Variants in BRWD3 observed in about 807,000 individuals in gnomAD.
BRWD3 encodes the protein bromodomain and WD repeat domain containing 3, also known as bromodomain and WD repeat-containing protein 3.
In BRWD3, 10 loss-of-function variants were observed where a neutral mutation model predicts 149.7. The observed-to-expected ratio is 0.07, with a 90% CI of 0.04 to 0.11. BRWD3 has a LOEUF of 0.11. BRWD3 is among the 10% of genes least tolerant of loss of function. The probability of loss-of-function intolerance (pLI) is 1.00; values close to 1 mark genes in which losing one functional copy is unlikely to be tolerated. For synonymous variants in BRWD3, 504 were observed against 456.7 expected (o/e 1.10, Z -1.32); for missense variants, 940 against 1,373.2 (o/e 0.68, Z 4.99).
At chrX:80,684,438 C>T (rs1367722189) in intron 36 of BRWD3, among the ~76,000 whole-genome samples, 1 of 112,022 alleles carries the variant, frequency 8.9e-6, no homozygotes, top group East Asian at 2.8e-4. Context: ...ATCTCTACAG[C>T]TTCCATGTCT....
At chrX:80,701,169 T>C (rs2072781699) in intron 24 of BRWD3, among the ~76,000 whole-genome samples, 1 of 111,463 alleles carries the variant, frequency 9.0e-6, no homozygotes, top group Admixed American at 9.6e-5. Context: ...ATGAATTCAA[T>C]TACTTAATTC....
intron 6 of BRWD3, among the ~76,000 whole-genome samples, chrX:80,790,963 C>G (rs907802893): frequency 9.0e-6 from 1 of 111,458 alleles, no homozygotes; most frequent in Non-Finnish European, 1.9e-5. Context: ...AACATCCAAG[C>G]TATGGAAAAG....
In BRWD3 at chrX:80,733,481, C is replaced by G. The variant is rs1276533834; in HGVS notation, c.1102G>C (p.Val368Leu). Residue 368 changes from valine to leucine, a missense_variant, in exon 12 of 41, where the codon GTT becomes CTT. Val to Leu is a conservative substitution (Grantham distance 32, BLOSUM62 1). This residue lies in a region of BRWD3 where 209 missense variants were observed against 396.8 expected (regional missense o/e 0.53). Coordinates refer to ENST00000373275, the MANE Select transcript of BRWD3 (RefSeq NM_153252.5). Reference protein sequence around the residue: ...LESHTDKVVAVQFCNNGDSLR... With the variant: ...LESHTDKVVALQFCNNGDSLR... ...CTGTCTCCATTGTTACAGAACTGAACAGCAACAACTTTATCCTAAGACATG... is the reference window on the plus strand; with the variant it reads ...CTGTCTCCATTGTTACAGAACTGAAGAGCAACAACTTTATCCTAAGACATG... 3 of 1,198,107 alleles carry G rather than the reference C, an allele frequency of 2.5e-6. No individual in the cohort carries two copies. Among genetic ancestry groups the G allele is most frequent in the Non-Finnish European group, 3.4e-6 (3 of 885,770 alleles).
intron 20 of BRWD3, chrX:80,709,943 G>T: frequency 1.1e-6 from 1 of 945,513 alleles, no homozygotes. Flanking sequence ...AAACCAGTAT[G>T]ACAATGATAT....
At position 80,682,020 on chromosome X, in the gene BRWD3, G is replaced by C; in HGVS notation, c.4472C>G (p.Thr1491Ser). Reference sequence around the variant, plus strand: ...ACCAGGAGATGAGAAAGGAGAGCTAGTCCTGGCATGAGATACTGAGGTATT... The same window carrying C: ...ACCAGGAGATGAGAAAGGAGAGCTACTCCTGGCATGAGATACTGAGGTATT... ...DQNTSVSHAR[T>S]SSPFSSPVSD... Residue 1491 changes from threonine (T) to serine (S), a missense_variant, in exon 39 of 41, where the codon ACT becomes AGT. This residue lies in a region of BRWD3 where 349 missense variants were observed against 419.6 expected (regional missense o/e 0.83). Coordinates refer to ENST00000373275, the MANE Select transcript of BRWD3 (RefSeq NM_153252.5). The C allele has an allele frequency of 1.7e-6, 2 of 1,208,116 alleles. No individual in the cohort carries two copies. Among genetic ancestry groups the C allele is most frequent in the Admixed American group, 2.2e-5 (1 of 45,916 alleles).
intron 6 of BRWD3, among the ~76,000 whole-genome samples, chrX:80,785,753 C>T (rs2074101451): frequency 1.8e-5 from 2 of 112,070 alleles, no homozygotes; most frequent in South Asian, 3.6e-4. Flanking sequence ...TCAGGCCAGG[C>T]GCAGTAGTTC....
chrX:80,671,405 T>A lies in BRWD3; in HGVS notation c.*5204A>T, dbSNP rs1044318985. 8.9e-6 allele frequency: 1 copy of A among 112,185 alleles called. No homozygotes were observed. Among genetic ancestry groups the A allele is most frequent in the Non-Finnish European group, 1.9e-5 (1 of 53,208 alleles). The allele number at this position is 112,185 out of a possible 1,213,427, so 9.2% of individuals were successfully genotyped here. A position where few individuals can be genotyped will look rare whatever the true frequency, so the allele number is the denominator to read the frequency against. ...AGATTAAAAAGTAATAGTAATAAAA[T>A]ATTCTATGACAAAGAAACAAGAAAG... On this transcript the variant is annotated 3_prime_UTR_variant, in exon 41 of 41. Coordinates refer to ENST00000373275, the MANE Select transcript of BRWD3 (RefSeq NM_153252.5).
chrX:80,688,250 T>C (rs2072561032), intron 33 of BRWD3, 125 bp from the exon 34 acceptor site: 1 of 560,655 alleles, frequency 1.8e-6, no homozygotes. Flanking sequence ...GAGCAGCAAG[T>C]AGAACAAAAG....
chrX:80,728,595 C>T (rs892561620), intron 14 of BRWD3, among the ~76,000 whole-genome samples, 157 bp downstream of exon 14: 6 of 111,472 alleles, frequency 5.4e-5, no homozygotes, highest in Non-Finnish European at 1.1e-4. Context: ...CGTGTCATCC[C>T]TATTTTACAG....
At chrX:80,677,459 G>A in intron 40 of BRWD3, 96 bp from the exon 41 acceptor site, 2 of 1,054,626 alleles carry the variant, frequency 1.9e-6, no homozygotes, top group Non-Finnish European at 2.5e-6. Flanking sequence ...AAAAATATGT[G>A]GAATACAATC....
chrX:80,770,401 C>A (rs2073926365), intron 6 of BRWD3, among the ~76,000 whole-genome samples: 2 of 111,724 alleles, frequency 1.8e-5, no homozygotes, highest in Non-Finnish European at 3.8e-5. Flanking sequence ...AGCTTATACA[C>A]CACAATAAAG....
At chrX:80,799,561 T>G (rs1472301662) in intron 4 of BRWD3, among the ~76,000 whole-genome samples, 1 of 112,195 alleles carries the variant, frequency 8.9e-6, no homozygotes, top group Non-Finnish European at 1.9e-5. Context: ...AGAACAGGCA[T>G]ATACAAAAGT....
In BRWD3 at chrX:80,689,760, A is replaced by G; in HGVS notation, c.3807+8T>C. 8.4e-7 allele frequency: 1 copy of G among 1,184,831 alleles called. No homozygotes were observed. The highest frequency in any genetic ancestry group is 1.1e-6 in the Non-Finnish European group (1 of 872,864). ...ACTCATTCCTACTAATCATGCTGTG[A>G]TTCTTACCTCCTCTGCATCAGTACT... On this transcript the variant is annotated splice_region_variant and intron_variant, in intron 33 of 40. Transcript: ENST00000373275.
At chrX:80,743,382 C>T (rs193129429) in intron 8 of BRWD3, among the ~76,000 whole-genome samples, 27 of 111,566 alleles carry the variant, frequency 2.4e-4, no homozygotes, top group Admixed American at 2.0e-3. Flanking sequence ...CTCTGACAGG[C>T]TTTGATATCA....
intron 6 of BRWD3, among the ~76,000 whole-genome samples, chrX:80,749,851 G>A (rs764872325): frequency 1.8e-5 from 2 of 111,730 alleles, no homozygotes; most frequent in African/African-American, 3.2e-5. Context: ...GTATGATAAA[G>A]CTTATTTAAT....
chrX:80,746,026 T>C (rs1471254477), intron 6 of BRWD3, among the ~76,000 whole-genome samples: 3 of 110,818 alleles, frequency 2.7e-5, no homozygotes, highest in Non-Finnish European at 5.7e-5. Flanking sequence ...AAAGAGACTG[T>C]CATTTTAAAT....
intron 17 of BRWD3, 44 bp from the exon 18 acceptor site, chrX:80,719,700 A>G (rs1459840060): frequency 8.7e-7 from 1 of 1,145,869 alleles, no homozygotes; most frequent in Non-Finnish European, 1.2e-6. Context: ...CTTACATTTT[A>G]GTATACCTTA....
At chrX:80,794,662 T>C (rs1413912903) in intron 4 of BRWD3, among the ~76,000 whole-genome samples, 3 of 110,356 alleles carry the variant, frequency 2.7e-5, no homozygotes, top group African/African-American at 9.9e-5. Context: ...AGTCACAAAA[T>C]CAGCACATTT....
rs1374659064 is a variant in BRWD3, at chrX:80,675,684, A to C, written c.*925T>G. 2 of 111,871 alleles carry C rather than the reference A, an allele frequency of 1.8e-5. No homozygotes were observed. Among genetic ancestry groups the C allele is most frequent in the African/African-American group, 3.2e-5 (1 of 30,838 alleles). The allele number at this position is 111,871 out of a possible 1,213,427, so 9.2% of individuals were successfully genotyped here. ...TTAATGTTTCCAGTAGTTGTAGTTA[A>C]GAGGTAGCTGAGCTACTGTTCAAAG... On this transcript the variant is annotated 3_prime_UTR_variant, in exon 41 of 41. Coordinates refer to ENST00000373275, the MANE Select transcript of BRWD3 (RefSeq NM_153252.5).
Sources: allele counts gnomAD v4.1 joint callset (sites outside exome capture counted in the v4.1 genomes callset), GRCh38; gene constraint gnomAD v4.1.1; regional missense constraint gnomAD v4.1.1; transcripts MANE v1.5; gene names NCBI Gene and HGNC (gene_info 2026-07-23, HGNC 2026-07-21).